The following UBE2G1 variants were observed in gnomAD, a reference collection of about 807,000 sequenced individuals.
UBE2G1 encodes the protein ubiquitin-conjugating enzyme E2 G1.
In UBE2G1, 5 loss-of-function variants were observed where a neutral mutation model predicts 22.7. The observed-to-expected ratio is 0.22, with a 90% confidence interval of 0.12 to 0.46. The LOEUF is 0.46. Ranked by LOEUF, UBE2G1 falls within the 20% of genes least tolerant of loss-of-function variation. The probability of loss-of-function intolerance (pLI) is 0.99; values close to 1 mark genes in which losing one functional copy is unlikely to be tolerated. For missense variants in UBE2G1, 88 were observed against 203.9 expected, an observed-to-expected ratio of 0.43 and a Z score of 3.46; for synonymous variants, 74 against 67.5, an observed-to-expected ratio of 1.10 and a Z score of -0.47.
At chr17:4,274,611 CTA>C (rs1327261029) in intron 5 of UBE2G1, among the ~76,000 whole-genome samples, 3 of 152,188 alleles carry the variant, frequency 2.0e-5, no homozygotes, top group Admixed American at 1.3e-4. Flanking sequence ...AGAACGACTG[CTA>C]TATGTCTTTC....
chr17:4,361,009 G>A (rs1003838686), intron 1 of UBE2G1, among the ~76,000 whole-genome samples: 1 of 152,162 alleles, frequency 6.6e-6, no homozygotes, highest in African/African-American at 2.4e-5. Context: ...GATCACCTGA[G>A]GTCAGGAGTT....
intron 4 of UBE2G1, among the ~76,000 whole-genome samples, chr17:4,286,000 G>A (rs1345996911): frequency 1.3e-5 from 2 of 150,298 alleles, no homozygotes; most frequent in Non-Finnish European, 3.0e-5. Flanking sequence ...CAGGAGAGAG[G>A]TGGCTAAGAA....
intron 4 of UBE2G1, among the ~76,000 whole-genome samples, chr17:4,287,060 T>C (rs1968972277): frequency 1.3e-5 from 2 of 149,330 alleles, no homozygotes; most frequent in Non-Finnish European, 1.5e-5. Flanking sequence ...CAAAAATAAA[T>C]AAATACATAC....
chr17:4,291,232 T>A (rs1034750870), intron 3 of UBE2G1, among the ~76,000 whole-genome samples: 1 of 152,006 alleles, frequency 6.6e-6, no homozygotes, highest in Non-Finnish European at 1.5e-5. Flanking sequence ...TTGTGGCACA[T>A]GCCTGTAATC....
intron 1 of UBE2G1, among the ~76,000 whole-genome samples, chr17:4,364,915 A>G (rs1222695153): frequency 6.6e-6 from 1 of 152,186 alleles, no homozygotes; most frequent in Non-Finnish European, 1.5e-5. Flanking sequence ...TTTTATGAGT[A>G]TCCTGTAGTA....
At chr17:4,309,092 T>C (rs1484095749) in intron 1 of UBE2G1, among the ~76,000 whole-genome samples, 1 of 152,088 alleles carries the variant, frequency 6.6e-6, no homozygotes, top group Admixed American at 6.6e-5. Context: ...AAACCCTGTC[T>C]TTAGTAAAAA....
chr17:4,338,581 A>G (rs1490851217), intron 1 of UBE2G1, among the ~76,000 whole-genome samples: 4 of 152,214 alleles, frequency 2.6e-5, no homozygotes, highest in African/African-American at 9.6e-5. Context: ...AAGCTTCCCA[A>G]TTCATTTCCT....
chr17:4,315,252 A>G (rs975699589), intron 1 of UBE2G1, among the ~76,000 whole-genome samples: 1 of 152,194 alleles, frequency 6.6e-6, no homozygotes, highest in African/African-American at 2.4e-5. Context: ...CTTTGGTATT[A>G]TTGGGCATTT....
chr17:4,320,941 A>G (rs1969429935), intron 1 of UBE2G1, among the ~76,000 whole-genome samples: 2 of 152,184 alleles, frequency 1.3e-5, no homozygotes, highest in Admixed American at 1.3e-4. Flanking sequence ...AAAGTAAAAA[A>G]AAGAAATTAT....
intron 3 of UBE2G1, among the ~76,000 whole-genome samples, chr17:4,289,889 A>G (rs1431943308): frequency 6.6e-6 from 1 of 152,194 alleles, no homozygotes; most frequent in Non-Finnish European, 1.5e-5. Context: ...TATTTTTACA[A>G]TCATATAAAG....
At chr17:4,344,825 C>G (rs1167540721) in intron 1 of UBE2G1, among the ~76,000 whole-genome samples, 1 of 152,084 alleles carries the variant, frequency 6.6e-6, no homozygotes, top group Non-Finnish European at 1.5e-5. Context: ...TGTGCCACCT[C>G]ATTGCAGCCT....
chr17:4,293,320 T>C (rs1969066561), intron 3 of UBE2G1, among the ~76,000 whole-genome samples: 1 of 152,246 alleles, frequency 6.6e-6, no homozygotes. Context: ...CACTACTTCA[T>C]TTCTTTCTTT....
chr17:4,273,992 A>ATT (rs796303488), intron 5 of UBE2G1, among the ~76,000 whole-genome samples: 2 of 148,012 alleles, frequency 1.4e-5, no homozygotes, highest in African/African-American at 2.5e-5. Context: ...GAACTTACCA[A>ATT]TTTTTTTTTT....
At chr17:4,358,965 T>C (rs1021094235) in intron 1 of UBE2G1, among the ~76,000 whole-genome samples, 1 of 147,438 alleles carries the variant, frequency 6.8e-6, no homozygotes, top group African/African-American at 2.5e-5. Flanking sequence ...AAAAATAAAA[T>C]TAAAAAAAAA....
At chr17:4,327,648 A>G (rs1398679535) in intron 1 of UBE2G1, among the ~76,000 whole-genome samples, 1 of 152,132 alleles carries the variant, frequency 6.6e-6, no homozygotes, top group Admixed American at 6.6e-5. Context: ...AGTAGAATGG[A>G]GTAGTTAAAA....
At chr17:4,317,779 A>G (rs1969393269) in intron 1 of UBE2G1, among the ~76,000 whole-genome samples, 1 of 152,200 alleles carries the variant, frequency 6.6e-6, no homozygotes, top group African/African-American at 2.4e-5. Context: ...GTTCTTCAAT[A>G]TTAAGTCCTA....
rs192446201 is a variant in UBE2G1 at position 4,300,823 on chromosome 17, G to A, written c.150-4009C>T. 7.2e-5 allele frequency among the ~76,000 whole-genome samples: 11 copies of A among 151,792 alleles called. No homozygotes were observed. In the East Asian group the frequency reaches 2.1e-3, roughly 29 times the overall value. The stretch of plus-strand genomic sequence containing the variant: ...ACTAAAAACTACAAAAATTAGCCAG[G>A]CATGGTGACAGGTGCCCATAATCCC... On this transcript the variant is annotated intron_variant, in intron 2 of 5. Transcript: ENST00000396981.
chr17:4,335,178 T>C (rs1034631252), intron 1 of UBE2G1: 1 of 151,940 alleles, frequency 6.6e-6, no homozygotes, highest in Non-Finnish European at 1.5e-5. Context: ...TATAAGAAAA[T>C]ATTCCTGAAT....
chr17:4,349,281 C>T lies in UBE2G1; in HGVS notation c.46+16990G>A, dbSNP rs143633768. On this transcript the variant is annotated intron_variant, in intron 1 of 5. Transcript: ENST00000396981. Reference sequence around the variant, plus strand: ...GTTGCAGTGAGCCAAATTTGCACCACTGCACTCCAGCCTAGGACTACCATG... The same window carrying T: ...GTTGCAGTGAGCCAAATTTGCACCATTGCACTCCAGCCTAGGACTACCATG... Among the ~76,000 whole-genome samples, 355 of 152,280 alleles carry T rather than the reference C, an allele frequency of 2.3e-3. 3 individuals carry two copies. The highest frequency in any genetic ancestry group is 0.021 in the East Asian group (109 of 5,186).
Sources: gnomAD v4.1 joint callset for allele counts (sites outside exome capture counted in the v4.1 genomes callset) on GRCh38, gnomAD v4.1.1 for gene constraint, MANE v1.5 for transcripts, NCBI Gene and HGNC (gene_info 2026-07-23, HGNC 2026-07-21) for gene names.